STRN3: variants seen among roughly 807,000 people sequenced by gnomAD.
The protein encoded by STRN3 is striatin 3.
In STRN3, 29 loss-of-function variants were observed where a neutral mutation model predicts 95.6. The ratio of observed to expected loss-of-function variants is 0.30; its 90% confidence interval spans 0.23 to 0.41. STRN3 has a LOEUF of 0.41. Ranked by LOEUF, STRN3 falls within the 10% of genes least tolerant of loss-of-function variation. STRN3 has a pLI of 1.00. For missense variants in STRN3, 890 were observed against 972.1 expected, an observed-to-expected ratio of 0.92 and a Z score of 1.12; for synonymous variants, 331 against 357.6, an observed-to-expected ratio of 0.93 and a Z score of 0.84.
chr14:30,928,733 T>G (rs1429558087), intron 8 of STRN3, among the ~76,000 whole-genome samples: 1 of 152,148 alleles, frequency 6.6e-6, no homozygotes, highest in Non-Finnish European at 1.5e-5. Context: ...CTATTGTTGT[T>G]GTTAGTAGTT....
intron 1 of STRN3, among the ~76,000 whole-genome samples, chr14:31,020,484 G>C (rs1014815117): frequency 1.3e-5 from 2 of 150,984 alleles, no homozygotes; most frequent in Non-Finnish European, 2.9e-5. Flanking sequence ...GAGTGACAGA[G>C]CGAAAACTGT....
At position 31,015,120 on chromosome 14, in the gene STRN3, C is replaced by T. The variant is rs114041234; in HGVS notation, c.282+10784G>A. On this transcript the variant is annotated intron_variant, in intron 1 of 17. Transcript: ENST00000357479. Reference sequence around the variant, plus strand: ...CTGGGACTACAAGCGTGAGCGCCACCGCGTCCAGCCTCACACCCACTTTTA... The same window carrying T: ...CTGGGACTACAAGCGTGAGCGCCACTGCGTCCAGCCTCACACCCACTTTTA... Among the ~76,000 whole-genome samples the T allele has an allele frequency of 4.5e-3, 688 of 152,106 alleles. 3 individuals carry two copies. The highest frequency in any genetic ancestry group is 0.016 in the African/African-American group (663 of 41,514).
chr14:30,937,841 CCT>C (rs967905335), intron 5 of STRN3, among the ~76,000 whole-genome samples: 3 of 151,998 alleles, frequency 2.0e-5, no homozygotes, highest in Admixed American at 6.6e-5. Flanking sequence ...TTTTTGCCCC[CCT>C]CTCTGACTGG....
chr14:30,986,600 G>C (rs1392451055), intron 1 of STRN3, among the ~76,000 whole-genome samples: 4 of 152,130 alleles, frequency 2.6e-5, no homozygotes, highest in Non-Finnish European at 4.4e-5. Context: ...GAAAACACAG[G>C]CCACATCATT....
At chr14:30,920,110 G>C (rs1328929610) in intron 8 of STRN3, among the ~76,000 whole-genome samples, 1 of 152,144 alleles carries the variant, frequency 6.6e-6, no homozygotes, top group Non-Finnish European at 1.5e-5. Context: ...CTATTTGAGT[G>C]TAAGTAACTC....
In STRN3 at chr14:31,023,612, ATATG is replaced by A. The variant is rs552283163; in HGVS notation, c.282+2288_282+2291del. Among the ~76,000 whole-genome samples the A allele has an allele frequency of 9.9e-4, 151 of 152,246 alleles. 1 individual carries two copies. Among genetic ancestry groups the A allele is most frequent in the Non-Finnish European group, 1.7e-3 (116 of 67,992 alleles). ...AGTGCACTGGAGACTGTACATAATA[ATATG>A]TAAGTTGTCTTATTTCTAGATTGTC... On this transcript the variant is annotated intron_variant, in intron 1 of 17. Transcript: ENST00000357479.
At chr14:30,902,487 A>C in intron 16 of STRN3, 49 bp downstream of exon 16, 1 of 1,273,290 alleles carries the variant, frequency 7.9e-7, no homozygotes, top group Non-Finnish European at 1.1e-6. Context: ...ATTTTTGATC[A>C]TCTCAAATTT....
At chr14:30,914,343 C>T (rs1421497333) in intron 9 of STRN3, among the ~76,000 whole-genome samples, 1 of 152,066 alleles carries the variant, frequency 6.6e-6, no homozygotes, top group African/African-American at 2.4e-5. Flanking sequence ...TTCAGAATGT[C>T]TTCCAGCTTT....
intron 9 of STRN3, among the ~76,000 whole-genome samples, chr14:30,916,730 T>C (rs1011988545): frequency 6.6e-6 from 1 of 152,168 alleles, no homozygotes; most frequent in Non-Finnish European, 1.5e-5. Context: ...ATGCCTGCCC[T>C]AGTTTTTAAT....
intron 13 of STRN3, among the ~76,000 whole-genome samples, chr14:30,907,720 T>C (rs1165014733): frequency 1.3e-5 from 2 of 152,196 alleles, no homozygotes; most frequent in African/African-American, 4.8e-5. Context: ...TTTATCCATG[T>C]TGGAGCATGT....
chr14:30,958,352 C>A (rs1880024155), intron 1 of STRN3, among the ~76,000 whole-genome samples: 1 of 152,060 alleles, frequency 6.6e-6, no homozygotes, highest in African/African-American at 2.4e-5. Context: ...AGCTACATGA[C>A]ACTTATAAAT....
At chr14:30,984,733 G>A (rs1029475740) in intron 1 of STRN3, among the ~76,000 whole-genome samples, 5 of 150,508 alleles carry the variant, frequency 3.3e-5, no homozygotes, top group African/African-American at 1.2e-4. Flanking sequence ...AGCCAAGATT[G>A]CACCACTGCA....
intron 14 of STRN3, among the ~76,000 whole-genome samples, 182 bp downstream of exon 14, chr14:30,906,695 C>T (rs1371982244): frequency 2.6e-5 from 4 of 152,056 alleles, no homozygotes; most frequent in Non-Finnish European, 5.9e-5. Context: ...AAAAGCATTG[C>T]ACTACAGGAC....
chr14:30,949,034 A>G (rs1879506391), intron 4 of STRN3, among the ~76,000 whole-genome samples: 1 of 152,234 alleles, frequency 6.6e-6, no homozygotes, highest in Non-Finnish European at 1.5e-5. Context: ...ACAGAAAAAA[A>G]GTGGTTTTCA....
chr14:30,952,823 T>G (rs1236725083), intron 3 of STRN3, among the ~76,000 whole-genome samples: 1 of 152,196 alleles, frequency 6.6e-6, no homozygotes, highest in Non-Finnish European at 1.5e-5. Flanking sequence ...ATTTTAAAAT[T>G]ACATATAACA....
intron 1 of STRN3, chr14:31,018,515 G>A (rs369893321): frequency 5.2e-5 from 22 of 423,634 alleles, no homozygotes; most frequent in East Asian, 1.4e-4. Flanking sequence ...ACTTGGATGC[G>A]AAACAACTAT....
intron 1 of STRN3, among the ~76,000 whole-genome samples, chr14:31,019,422 G>A (rs552271232): frequency 5.3e-5 from 8 of 152,250 alleles, no homozygotes; most frequent in South Asian, 4.1e-4. Context: ...TGAGTGACAC[G>A]TTTGTGGGAG....
intron 1 of STRN3, among the ~76,000 whole-genome samples, chr14:30,968,147 T>C (rs1219880805): frequency 6.6e-6 from 1 of 152,012 alleles, no homozygotes; most frequent in Non-Finnish European, 1.5e-5. Context: ...AATACCAAAC[T>C]TAAAAGGTTT....
Position 30,937,840 on chromosome 14 carries a change from C to T in STRN3, c.717-1216G>A, listed in dbSNP as rs575512289. 2.6e-5 allele frequency among the ~76,000 whole-genome samples: 4 copies of T among 152,138 alleles called. No homozygotes were observed. In the East Asian group the frequency reaches 7.7e-4, roughly 29 times the overall value. Reference sequence around the variant, plus strand: ...TAAAACTCAGGGAGGGTTTTTGCCCCCCTCTCTGACTGGTTCCCTCCATTA... The same window carrying T: ...TAAAACTCAGGGAGGGTTTTTGCCCTCCTCTCTGACTGGTTCCCTCCATTA... On this transcript the variant is annotated intron_variant, in intron 5 of 17. Transcript: ENST00000357479.
Sources: gnomAD v4.1 joint callset for allele counts (sites outside exome capture counted in the v4.1 genomes callset) on GRCh38, gnomAD v4.1.1 for gene constraint, MANE v1.5 for transcripts, NCBI Gene and HGNC (gene_info 2026-07-23, HGNC 2026-07-21) for gene names.